Variants in DSCAM observed in about 807,000 individuals in gnomAD.
DSCAM encodes DS cell adhesion molecule, also known as cell adhesion molecule DSCAM.
In DSCAM, 47 loss-of-function variants were observed where a neutral mutation model predicts 217.7. The observed-to-expected ratio is 0.22, with a 90% confidence interval of 0.17 to 0.28. DSCAM has a LOEUF of 0.28. Among genes scored for constraint, DSCAM ranks in the 10% least tolerant of loss-of-function variants. DSCAM has a pLI of 1.00. For missense variants in DSCAM, 2,080 were observed against 2,618.3 expected (o/e 0.79, Z 4.49); for synonymous variants, 1,056 against 1,015.3 (o/e 1.04, Z -0.76).
intron 3 of DSCAM, among the ~76,000 whole-genome samples, chr21:40,613,203 G>A (rs990806344): frequency 7.2e-5 from 11 of 152,186 alleles, no homozygotes; most frequent in African/African-American, 2.4e-4. Context: ...TCACCTCATT[G>A]TAGCTAATTA....
At chr21:40,083,570 G>A (rs2089492203) in intron 24 of DSCAM, among the ~76,000 whole-genome samples, 2 of 152,166 alleles carry the variant, frequency 1.3e-5, no homozygotes, top group Admixed American at 6.6e-5. Flanking sequence ...CAGTACCCAT[G>A]GTTACATAAA....
intron 10 of DSCAM, among the ~76,000 whole-genome samples, chr21:40,285,836 A>T (rs900864908): frequency 6.6e-6 from 1 of 152,096 alleles, no homozygotes; most frequent in African/African-American, 2.4e-5. Context: ...CTTTCCCCAT[A>T]TTAATTCAAT....
At chr21:40,422,571 G>C (rs576731659) in intron 3 of DSCAM, among the ~76,000 whole-genome samples, 1 of 152,328 alleles carries the variant, frequency 6.6e-6, no homozygotes, top group East Asian at 1.9e-4. Context: ...GAATTCAGGA[G>C]GCGGAGGTTG....
chr21:40,630,571 T>C (rs1449827010), intron 3 of DSCAM: 1 of 152,220 alleles, frequency 6.6e-6, no homozygotes, highest in African/African-American at 2.4e-5. Context: ...TGTGCTGGGA[T>C]TACAGGCGTG....
chr21:40,156,875 A>G (rs1239880844), intron 16 of DSCAM, among the ~76,000 whole-genome samples: 1 of 152,132 alleles, frequency 6.6e-6, no homozygotes, highest in Non-Finnish European at 1.5e-5. Context: ...TTTGAACTGG[A>G]GAGTGATGAT....
At chr21:40,360,837 G>C (rs1158314081) in intron 4 of DSCAM, among the ~76,000 whole-genome samples, 2 of 152,152 alleles carry the variant, frequency 1.3e-5, no homozygotes, top group African/African-American at 4.8e-5. Flanking sequence ...ACTCAGTAAT[G>C]GGATTGCTGG....
rs376467999 is a variant in DSCAM at position 40,496,709 on chromosome 21, TG to T, written c.509-127465del. Among the ~76,000 whole-genome samples the T allele has an allele frequency of 3.9e-3, 595 of 152,012 alleles. 2 individuals carry two copies. The highest frequency in any genetic ancestry group is 0.014 in the African/African-American group (569 of 41,480). ...GAAGACAATCAGCAAAGAGAACCTA[TG>T]GAATAAGAGAATATATTTTCAAGCC... On this transcript the variant is annotated intron_variant, in intron 3 of 32. Transcript: ENST00000400454.
intron 1 of DSCAM, among the ~76,000 whole-genome samples, chr21:40,769,231 T>C (rs2091423535): frequency 6.6e-6 from 1 of 152,228 alleles, no homozygotes; most frequent in African/African-American, 2.4e-5. Context: ...ACTTGTTCTC[T>C]CATATTCTTG....
At chr21:40,762,466 A>G (rs1298770729) in intron 1 of DSCAM, among the ~76,000 whole-genome samples, 1 of 152,222 alleles carries the variant, frequency 6.6e-6, no homozygotes, top group Non-Finnish European at 1.5e-5. Flanking sequence ...TGAGGCAGTA[A>G]ATCAATAGTC....
rs68000703 is a variant in DSCAM at position 40,731,739 on chromosome 21, C to CCG, written c.44-22969_44-22968insCG. On this transcript the variant is annotated intron_variant, in intron 1 of 32. Transcript: ENST00000400454. ...CTCCTTCCCACTGCACCCCCCCCCCCGCCCCCCGGGTGAGAGTCTTGCTCT... is the reference window on the plus strand; with the variant it reads ...CTCCTTCCCACTGCACCCCCCCCCCCCGGCCCCCCGGGTGAGAGTCTTGCTCT... Among the ~76,000 whole-genome samples, 482 of 124,454 alleles carry CCG rather than the reference C, an allele frequency of 3.9e-3. 13 individuals carry two copies. Among genetic ancestry groups the CCG allele is most frequent in the Middle Eastern group, 7.6e-3 (2 of 262 alleles). 81.6% of individuals were successfully genotyped at this position (124,454 alleles called of 152,430 possible).
At chr21:40,659,541 C>T (rs540915320) in intron 3 of DSCAM, among the ~76,000 whole-genome samples, 1 of 151,914 alleles carries the variant, frequency 6.6e-6, no homozygotes, top group South Asian at 2.1e-4. Context: ...GTTATCTGTC[C>T]ATCTATGTAT....
At chr21:40,784,400 C>T (rs1160813967) in intron 1 of DSCAM, among the ~76,000 whole-genome samples, 3 of 152,174 alleles carry the variant, frequency 2.0e-5, no homozygotes, top group Non-Finnish European at 4.4e-5. Context: ...CCTCCCCAGC[C>T]ACATGGAACT....
At position 40,823,647 on chromosome 21, in the gene DSCAM, A is replaced by G. The variant is rs1436017837; in HGVS notation, c.43+22972T>C. ...ATCCCAATGATTTGTAAAATAATAG[A>G]TGGTGATTGCTACAGTGAAACCTCA... On this transcript the variant is annotated intron_variant, in intron 1 of 32. Transcript: ENST00000400454. Among the ~76,000 whole-genome samples the G allele has an allele frequency of 2.0e-5, 3 of 152,208 alleles. No individual in the cohort carries two copies. In the East Asian group the frequency reaches 5.8e-4, roughly 29 times the overall value.
intron 21 of DSCAM, among the ~76,000 whole-genome samples, chr21:40,089,494 G>A (rs994203759): frequency 1.3e-5 from 2 of 152,144 alleles, no homozygotes; most frequent in African/African-American, 4.8e-5. Flanking sequence ...CTTCCTAGGA[G>A]GGGCTTCCCC....
At chr21:40,337,301 G>T (rs1315350172) in intron 8 of DSCAM, among the ~76,000 whole-genome samples, 2 of 152,148 alleles carry the variant, frequency 1.3e-5, no homozygotes, top group African/African-American at 2.4e-5. Flanking sequence ...ACACCCACAG[G>T]TTTCGGAAAT....
Position 40,762,622 on chromosome 21 carries a change from A to G in DSCAM, c.44-53851T>C, listed in dbSNP as rs552464376. 5.9e-5 allele frequency among the ~76,000 whole-genome samples: 9 copies of G among 152,340 alleles called. No homozygotes were observed. In the South Asian group the frequency reaches 1.7e-3, roughly 28 times the overall value. On this transcript the variant is annotated intron_variant, in intron 1 of 32. Transcript: ENST00000400454. ...CCCTAACTCATTTTATGAGGCCAGCATCATCCTGATTCCAAAACCTGGCAG... is the reference window on the plus strand; with the variant it reads ...CCCTAACTCATTTTATGAGGCCAGCGTCATCCTGATTCCAAAACCTGGCAG...
intron 3 of DSCAM, among the ~76,000 whole-genome samples, chr21:40,589,996 A>AT (rs1453295774): frequency 1.3e-5 from 2 of 152,192 alleles, no homozygotes; most frequent in Non-Finnish European, 2.9e-5. Context: ...TTTAAACCTA[A>AT]TAACTCCTCT....
chr21:40,074,966 G>T, intron 27 of DSCAM, 71 bp downstream of exon 27: 1 of 1,522,020 alleles, frequency 6.6e-7, no homozygotes. Flanking sequence ...TTGTTCTCCA[G>T]CTGGCATCTC....
In DSCAM at chr21:40,184,461, C is replaced by G. The variant is rs368394387; in HGVS notation, c.2779+2670G>C. Among the ~76,000 whole-genome samples the G allele has an allele frequency of 5.9e-5, 9 of 152,044 alleles. No homozygotes were observed. The East Asian group carries it at 1.5e-3, about 26-fold the overall frequency. ...GCTTTTCTCCTGGGACCCATGCTGCCCCTTAAAATGACTTGCTCCAGGGCT... is the reference window on the plus strand; with the variant it reads ...GCTTTTCTCCTGGGACCCATGCTGCGCCTTAAAATGACTTGCTCCAGGGCT... On this transcript the variant is annotated intron_variant, in intron 14 of 32. Coordinates refer to ENST00000400454, the MANE Select transcript of DSCAM (RefSeq NM_001389.5).
Sources: allele counts gnomAD v4.1 joint callset (sites outside exome capture counted in the v4.1 genomes callset), GRCh38; gene constraint gnomAD v4.1.1; transcripts MANE v1.5; gene names NCBI Gene and HGNC (gene_info 2026-07-23, HGNC 2026-07-21).